The following ZNF385D variants were observed in gnomAD, a reference collection of about 807,000 sequenced individuals.
ZNF385D encodes the protein zinc finger protein 659.
Under a neutral mutation model 35.8 loss-of-function variants are expected in ZNF385D, and 15 were observed. The observed-to-expected ratio is 0.42, with a 90% CI of 0.28 to 0.64. ZNF385D has a LOEUF of 0.64. Ranked by LOEUF, ZNF385D falls within the 30% of genes least tolerant of loss-of-function variation. The probability of loss-of-function intolerance (pLI) is 0.23; values close to 1 mark genes in which losing one functional copy is unlikely to be tolerated. For missense variants in ZNF385D, 474 were observed against 494.6 expected, an observed-to-expected ratio of 0.96 and a Z score of 0.39; for synonymous variants, 212 against 186.8, an observed-to-expected ratio of 1.13 and a Z score of -1.10.
At chr3:22,280,544 GT>G (rs1701684280) in intron 2 of ZNF385D, among the ~76,000 whole-genome samples, 1 of 151,876 alleles carries the variant, frequency 6.6e-6, no homozygotes, top group Non-Finnish European at 1.5e-5. Flanking sequence ...CCCACTTCCT[GT>G]TTTTGTTTGC....
chr3:21,602,517 C>CTTTTTTTTTTTTTTTTT lies in ZNF385D; in HGVS notation c.166-37850_166-37834dup, dbSNP rs746138066. Reference sequence around the variant, plus strand: ...TAGGTCTCCTGTTTCCCTGCATTTTCTTTTTTTTTTTTTTTTTTTTTTTTT... The same window carrying CTTTTTTTTTTTTTTTTT: ...TAGGTCTCCTGTTTCCCTGCATTTTCTTTTTTTTTTTTTTTTTTTTTTTTTTTTTTTTTTTTTTTTTT... On this transcript the variant is annotated intron_variant, in intron 2 of 7. Coordinates refer to ENST00000281523, the MANE Select transcript of ZNF385D (RefSeq NM_024697.3). Among the ~76,000 whole-genome samples, 95 of 62,692 alleles carry CTTTTTTTTTTTTTTTTT rather than the reference C, an allele frequency of 1.5e-3. 16 individuals are homozygous for CTTTTTTTTTTTTTTTTT. The highest frequency in any genetic ancestry group is 3.3e-3 in the African/African-American group (44 of 13,236). The allele number at this position is 62,692 out of a possible 152,430, so 41.1% of individuals were successfully genotyped here.
chr3:21,448,275 C>A (rs915078362), intron 4 of ZNF385D, among the ~76,000 whole-genome samples: 1 of 152,024 alleles, frequency 6.6e-6, no homozygotes, highest in African/African-American at 2.4e-5. Context: ...AGAAAAATTA[C>A]AAAAATTGAG....
At chr3:21,637,716 T>C (rs934845989) in intron 2 of ZNF385D, among the ~76,000 whole-genome samples, 1 of 152,120 alleles carries the variant, frequency 6.6e-6, no homozygotes, top group African/African-American at 2.4e-5. Flanking sequence ...GAATGTATGG[T>C]CTACAAGGAG....
intron 2 of ZNF385D, among the ~76,000 whole-genome samples, chr3:22,367,481 G>A (rs569669706): frequency 2.6e-5 from 4 of 152,168 alleles, no homozygotes; most frequent in South Asian, 4.1e-4. Context: ...CTGATAACTC[G>A]GTCCAGTACA....
intron 4 of ZNF385D, among the ~76,000 whole-genome samples, chr3:21,439,929 A>C (rs1701772146): frequency 6.6e-6 from 1 of 152,056 alleles, no homozygotes; most frequent in Non-Finnish European, 1.5e-5. Flanking sequence ...GCTAACCATA[A>C]ATTTGTTATT....
chr3:21,809,406 T>C (rs1278542541), intron 3 of ZNF385D, among the ~76,000 whole-genome samples: 2 of 151,938 alleles, frequency 1.3e-5, no homozygotes, highest in Non-Finnish European at 2.9e-5. Context: ...TATTGTCTAA[T>C]GCGGTTTTCA....
chr3:21,438,031 C>T (rs182237050), intron 4 of ZNF385D, among the ~76,000 whole-genome samples: 3 of 152,222 alleles, frequency 2.0e-5, no homozygotes, highest in South Asian at 2.1e-4. Context: ...AACTCTACAA[C>T]CCTTCTGGCT....
intron 3 of ZNF385D, among the ~76,000 whole-genome samples, chr3:21,562,969 ATAT>A (rs529641428): frequency 2.7e-4 from 41 of 152,288 alleles, no homozygotes; most frequent in African/African-American, 9.6e-4. Flanking sequence ...TTCACATAAA[ATAT>A]TATATGTTTG....
intron 4 of ZNF385D, among the ~76,000 whole-genome samples, chr3:21,457,346 C>CGTTGTTGTTGTTGTT (rs34762256): frequency 1.0e-4 from 15 of 150,734 alleles, no homozygotes; most frequent in African/African-American, 3.4e-4. Flanking sequence ...TTGTTGTTGT[C>CGTTGTTGTTGTTGTT]GTTGTTGTTG....
chr3:21,699,112 G>C (rs1374855306), intron 1 of ZNF385D, among the ~76,000 whole-genome samples: 10 of 152,262 alleles, frequency 6.6e-5, no homozygotes, highest in Middle Eastern at 3.4e-3. Flanking sequence ...TGATAGACTG[G>C]ATAAAGAAAA....
chr3:22,132,741 T>A (rs1196677465), intron 3 of ZNF385D, among the ~76,000 whole-genome samples: 1 of 152,132 alleles, frequency 6.6e-6, no homozygotes, highest in Admixed American at 6.6e-5. Context: ...ATATTATAAA[T>A]ACTTAATAAT....
chr3:21,754,610 T>C (rs1162132736), upstream of ZNF385D, among the ~76,000 whole-genome samples: 5 of 152,132 alleles, frequency 3.3e-5, no homozygotes, highest in Admixed American at 1.3e-4. Flanking sequence ...ACTAATTCAC[T>C]GTCTTTTTTT....
chr3:21,737,768 G>A (rs1234598790), intron 1 of ZNF385D, among the ~76,000 whole-genome samples: 2 of 152,188 alleles, frequency 1.3e-5, no homozygotes, highest in African/African-American at 4.8e-5. Flanking sequence ...ATTACTATCT[G>A]ATAGGAAGGA....
At chr3:22,057,624 C>A (rs1699472370) in intron 3 of ZNF385D, among the ~76,000 whole-genome samples, 1 of 151,086 alleles carries the variant, frequency 6.6e-6, no homozygotes, top group African/African-American at 2.4e-5. Context: ...ATTCTCTTGT[C>A]TCAACCTCCC....
chr3:21,635,626 A>C (rs1234310910), intron 2 of ZNF385D, among the ~76,000 whole-genome samples: 2 of 151,974 alleles, frequency 1.3e-5, no homozygotes, highest in Non-Finnish European at 2.9e-5. Flanking sequence ...TAAGTTCTTT[A>C]GTAGTGATTT....
chr3:22,069,861 T>C (rs1700145826), intron 3 of ZNF385D, among the ~76,000 whole-genome samples: 1 of 152,196 alleles, frequency 6.6e-6, no homozygotes, highest in South Asian at 2.1e-4. Context: ...GGCAGGTACC[T>C]TCCTTTGCTC....
intron 3 of ZNF385D, among the ~76,000 whole-genome samples, chr3:22,133,383 T>C (rs182209586): frequency 2.5e-4 from 38 of 151,934 alleles, no homozygotes; most frequent in African/African-American, 8.9e-4. Context: ...TGTGCCTGTG[T>C]GTGAAAGACA....
chr3:21,901,787 T>C (rs1699426332), intron 3 of ZNF385D, among the ~76,000 whole-genome samples: 1 of 152,172 alleles, frequency 6.6e-6, no homozygotes, highest in Non-Finnish European at 1.5e-5. Context: ...GGGGATAAGT[T>C]GGTACAGGAA....
At chr3:21,860,366 G>C (rs1696980962) in intron 3 of ZNF385D, among the ~76,000 whole-genome samples, 1 of 152,076 alleles carries the variant, frequency 6.6e-6, no homozygotes, top group African/African-American at 2.4e-5. Context: ...AAAAGATTTG[G>C]TCTCAGGCAG....
Sources: gnomAD v4.1 joint callset for allele counts (sites outside exome capture counted in the v4.1 genomes callset) on GRCh38, gnomAD v4.1.1 for gene constraint, MANE v1.5 for transcripts, NCBI Gene and HGNC (gene_info 2026-07-23, HGNC 2026-07-21) for gene names.